CLTB: variants seen among roughly 807,000 people sequenced by gnomAD.
The protein encoded by CLTB is clathrin, light chain (Lcb).
Under a neutral mutation model 30.5 loss-of-function variants are expected in CLTB, and 10 were observed. The ratio of observed to expected loss-of-function variants is 0.33; its 90% CI spans 0.20 to 0.56. The LOEUF (loss-of-function observed/expected upper bound fraction) is 0.56, where lower values mean the gene tolerates loss of function less well. CLTB is among the 20% of genes least tolerant of loss of function. CLTB has a pLI of 0.91. For missense variants in CLTB, 261 were observed against 308.3 expected (o/e 0.85, Z 1.15); for synonymous variants, 102 against 120.3 (o/e 0.85, Z 1.00).
chr5:176,407,238 C>T (rs1757176769), intron 2 of CLTB, among the ~76,000 whole-genome samples: 1 of 152,132 alleles, frequency 6.6e-6, no homozygotes, highest in Non-Finnish European at 1.5e-5. Context: ...TTTGCATTCA[C>T]CACTTCACCT....
At chr5:176,407,259 C>T (rs1354661942) in intron 2 of CLTB, among the ~76,000 whole-genome samples, 1 of 152,136 alleles carries the variant, frequency 6.6e-6, no homozygotes, top group Non-Finnish European at 1.5e-5. Context: ...CTCTGAGCTT[C>T]GTGATGCTAA....
chr5:176,409,640 C>T (rs1380511690), intron 2 of CLTB, among the ~76,000 whole-genome samples: 1 of 151,910 alleles, frequency 6.6e-6, no homozygotes, highest in Non-Finnish European at 1.5e-5. Flanking sequence ...GTCTTGAACT[C>T]TGACCTCACG....
Position 176,416,165 on chromosome 5 carries a change from G to A in CLTB, c.187+12C>T, listed in dbSNP as rs758480495. 79 of 1,559,868 alleles carry A rather than the reference G, an allele frequency of 5.1e-5. 1 individual carries two copies. The highest frequency in any genetic ancestry group is 3.5e-4 in the Middle Eastern group (2 of 5,728). Reference sequence around the variant, plus strand: ...CGCCCTGAGCCCCTCTCCAGGCCCCGCGCTGACTCACCCCCACTCGTGGGG... The same window carrying A: ...CGCCCTGAGCCCCTCTCCAGGCCCCACGCTGACTCACCCCCACTCGTGGGG... On this transcript the variant is annotated intron_variant, in intron 1 of 5. Transcript: ENST00000310418.
intron 2 of CLTB, among the ~76,000 whole-genome samples, chr5:176,408,459 T>C (rs1359444266): frequency 2.0e-5 from 3 of 150,340 alleles, no homozygotes; most frequent in Non-Finnish European, 3.0e-5. Context: ...TCACTTGAAC[T>C]CAGGAGGCGG....
chr5:176,405,253 G>C (rs893060488), intron 2 of CLTB, among the ~76,000 whole-genome samples: 1 of 152,114 alleles, frequency 6.6e-6, no homozygotes, highest in African/African-American at 2.4e-5. Flanking sequence ...ACTTTGGGAG[G>C]CTGAGCAGGA....
intron 2 of CLTB, among the ~76,000 whole-genome samples, chr5:176,399,432 G>A (rs1318666717): frequency 6.6e-6 from 1 of 152,132 alleles, no homozygotes; most frequent in Admixed American, 6.6e-5. Context: ...AACCTTGCCT[G>A]ACTTTTGTTT....
chr5:176,416,417 C>T lies in CLTB; in HGVS notation c.-54G>A. On this transcript the variant is annotated 5_prime_UTR_variant, in exon 1 of 6. Transcript: ENST00000310418. Reference sequence around the variant, plus strand: ...CTGCGCTCGGCTCTGCCCGCGCCTGCCCCGCGCTGCGTCCGGCGGCCGCGA... The same window carrying T: ...CTGCGCTCGGCTCTGCCCGCGCCTGTCCCGCGCTGCGTCCGGCGGCCGCGA... The T allele has an allele frequency of 7.2e-7, 1 of 1,398,006 alleles. No individual in the cohort carries two copies. Among genetic ancestry groups the T allele is most frequent in the Non-Finnish European group, 9.3e-7 (1 of 1,072,186 alleles). 86.6% of individuals were successfully genotyped at this position (1,398,006 alleles called of 1,614,324 possible). A position where few individuals can be genotyped will look rare whatever the true frequency, so the allele number is the denominator to read the frequency against.
In CLTB at chr5:176,410,345, T is replaced by G. The variant is rs560715139; in HGVS notation, c.188-42A>C. On this transcript the variant is annotated intron_variant, in intron 1 of 5. Coordinates refer to ENST00000310418, the MANE Select transcript of CLTB (RefSeq NM_007097.5). ...GAGATAGCATTACTCACTGTTTAGC[T>G]TATAGCAAGCAGGAAATGGTCCTAC... 57 of 1,586,270 alleles carry G rather than the reference T, an allele frequency of 3.6e-5. No homozygotes were observed. The East Asian group carries it at 1.1e-3, about 31-fold the overall frequency.
Position 176,397,972 on chromosome 5 carries a change from G to A in CLTB, c.310C>T (p.Arg104Cys), listed in dbSNP as rs777822872. 1.2e-5 allele frequency: 19 copies of A among 1,613,920 alleles called. No homozygotes were observed. The highest frequency in any genetic ancestry group is 2.7e-5 in the African/African-American group (2 of 74,906). ...TTCCTCTGCTCCTCTCGCCACTTGC[G>A]GATGCTCTCAGGCTCCTGGGTCAGC... Reference protein sequence around the residue: ...DRLTQEPESIRKWREEQRKRL... With the variant: ...DRLTQEPESICKWREEQRKRL... The change falls in exon 3 of 6, where the codon CGC becomes TGC. Residue 104 changes from arginine (R) to cysteine (C), a missense_variant. Arg to Cys is a radical substitution (Grantham distance 180). Transcript: ENST00000310418.
chr5:176,398,021 G>A lies in CLTB; in HGVS notation c.261C>T (p.Tyr87=), dbSNP rs769322876. 1.6e-5 allele frequency: 26 copies of A among 1,613,862 alleles called. No individual in the cohort carries two copies. The Middle Eastern group carries it at 4.9e-4, about 31-fold the overall frequency. The part of the protein sequence containing the change: ...FQEANGPADG[Y]AAIAQADRLT... ...GCCTGTCAGCCTGGGCAATGGCTGC[G>A]TAGCCATCAGCAGGACCGTTGGCCT... Residue 87 remains tyrosine (Y), a synonymous_variant, in exon 3 of 6, where the codon TAC becomes TAT. Coordinates refer to ENST00000310418, the MANE Select transcript of CLTB (RefSeq NM_007097.5).
Position 176,392,962 on chromosome 5 carries a change from G to C in CLTB, c.519-17C>G, listed in dbSNP as rs762731349. ...TCGGATGCCCTGCGGGTGGAGATAG[G>C]ACGGGCTTTTATAGCAGTCTGCTTT... On this transcript the variant is annotated splice_polypyrimidine_tract_variant and intron_variant, in intron 5 of 5. Coordinates refer to ENST00000310418, the MANE Select transcript of CLTB (RefSeq NM_007097.5). The surrounding 1 kb of genome is among the most constrained non-coding windows in gnomAD (Gnocchi z 5.2). 9 of 1,613,886 alleles carry C rather than the reference G, an allele frequency of 5.6e-6. No individual in the cohort carries two copies. Among genetic ancestry groups the C allele is most frequent in the Non-Finnish European group, 7.6e-6 (9 of 1,179,948 alleles).
chr5:176,405,608 G>A (rs1459030160), intron 2 of CLTB: 1 of 152,010 alleles, frequency 6.6e-6, no homozygotes, highest in African/African-American at 2.4e-5. Context: ...TAGCAGGTGT[G>A]TGGCCATAAA....
At chr5:176,403,817 T>A (rs111399948) in intron 2 of CLTB, among the ~76,000 whole-genome samples, 4 of 152,280 alleles carry the variant, frequency 2.6e-5, no homozygotes, top group African/African-American at 9.6e-5. Flanking sequence ...TGGAGTACAG[T>A]GGCGTGATCT....
intron 2 of CLTB, among the ~76,000 whole-genome samples, chr5:176,406,868 G>A (rs546752705): frequency 1.8e-4 from 27 of 152,188 alleles, no homozygotes; most frequent in Admixed American, 3.3e-4. Flanking sequence ...TGACCCAGGC[G>A]CTGTGGCCAG....
chr5:176,411,492 C>A (rs1561801397), intron 1 of CLTB, among the ~76,000 whole-genome samples: 1 of 152,200 alleles, frequency 6.6e-6, no homozygotes, highest in Non-Finnish European at 1.5e-5. Context: ...AATTAAAGGC[C>A]TCCCTGACCA....
rs991439684 is a variant in CLTB at position 176,396,536 on chromosome 5, G to C, written c.465-4C>G. The C allele has an allele frequency of 2.5e-6, 4 of 1,612,588 alleles. No homozygotes were observed. Among genetic ancestry groups the C allele is most frequent in the Non-Finnish European group, 3.4e-6 (4 of 1,179,222 alleles). On this transcript the variant is annotated splice_polypyrimidine_tract_variant and splice_region_variant and intron_variant, in intron 4 of 5. Coordinates refer to ENST00000310418, the MANE Select transcript of CLTB (RefSeq NM_007097.5). ...GTAGAATGCTTTGTCAGCGATCCTT[G>C]AGGGAAAGGTTGAGGGAAGGGGTTA... is the stretch of plus-strand genomic sequence containing the variant.
intron 2 of CLTB, among the ~76,000 whole-genome samples, chr5:176,409,406 CTTTTTTT>C (rs34831947): frequency 2.5e-5 from 2 of 79,656 alleles, no homozygotes; most frequent in African/African-American, 5.7e-5. Flanking sequence ...TCTGATTGCC[CTTTTTTT>C]TTTTTTTTTT....
intron 3 of CLTB, 55 bp downstream of exon 3, chr5:176,397,875 C>T (rs977211754): frequency 1.0e-5 from 16 of 1,527,722 alleles, no homozygotes; most frequent in Non-Finnish European, 1.4e-5. Context: ...GGACTCCCCA[C>T]ACTCCACCCC....
chr5:176,398,159 A>C, intron 2 of CLTB, 112 bp from the exon 3 acceptor site: 9 of 872,560 alleles, frequency 1.0e-5, no homozygotes, highest in Non-Finnish European at 1.5e-5. Flanking sequence ...AAACAACCTC[A>C]TACCCACTGT....
Sources: allele counts gnomAD v4.1 joint callset (sites outside exome capture counted in the v4.1 genomes callset), GRCh38; gene constraint gnomAD v4.1.1; non-coding constraint Gnocchi (gnomAD v3.1); transcripts MANE v1.5; gene names NCBI Gene and HGNC (gene_info 2026-07-23, HGNC 2026-07-21).